The following KCNK10 variants were observed in gnomAD, a reference collection of about 807,000 sequenced individuals.
The protein encoded by KCNK10 is potassium channel subfamily K member 10.
A neutral mutation model predicts 47.7 loss-of-function variants in KCNK10; 25 were observed. The ratio of observed to expected loss-of-function variants is 0.52; its 90% CI spans 0.38 to 0.73. The LOEUF is 0.73. KCNK10 is among the 30% of genes least tolerant of loss of function. KCNK10 has a pLI of 0.00. For missense variants in KCNK10, 563 were observed against 714.5 expected, an observed-to-expected ratio of 0.79 and a Z score of 2.42; for synonymous variants, 303 against 285.6, an observed-to-expected ratio of 1.06 and a Z score of -0.61.
intron 4 of KCNK10, among the ~76,000 whole-genome samples, chr14:88,199,975 T>C (rs7156565): frequency 6.8e-6 from 1 of 147,960 alleles, no homozygotes; most frequent in African/African-American, 2.4e-5. Flanking sequence ...TTCTTTCTCT[T>C]TCTTTCTTTC....
intron 4 of KCNK10, among the ~76,000 whole-genome samples, chr14:88,215,185 G>A (rs1213211926): frequency 6.6e-6 from 1 of 152,136 alleles, no homozygotes. Flanking sequence ...ACAGATTAGC[G>A]ACTCTATTAG....
rs897695586 is a variant in KCNK10 at position 88,183,524 on chromosome 14, T to C, written c.*2011A>G. ...AACACATTTTGTCAGGCTGGAATGA[T>C]TCCCATAGTAAAACTCAACATCCAC... On this transcript the variant is annotated 3_prime_UTR_variant, in exon 7 of 7. Transcript: ENST00000319231. 20 of 152,374 alleles carry C rather than the reference T, an allele frequency of 1.3e-4. No homozygotes were observed. Among genetic ancestry groups the C allele is most frequent in the African/African-American group, 4.8e-4 (20 of 41,466 alleles). The allele number at this position is 152,374 out of a possible 1,614,324, so 9.4% of individuals were successfully genotyped here.
At chr14:88,233,443 AT>A (rs1295413938) in intron 3 of KCNK10, among the ~76,000 whole-genome samples, 1 of 152,210 alleles carries the variant, frequency 6.6e-6, no homozygotes, top group Non-Finnish European at 1.5e-5. Flanking sequence ...CTTTGAACTA[AT>A]AATTGTGGCC....
At chr14:88,237,110 A>T (rs1239992469) in intron 3 of KCNK10, among the ~76,000 whole-genome samples, 1 of 152,254 alleles carries the variant, frequency 6.6e-6, no homozygotes, top group Non-Finnish European at 1.5e-5. Flanking sequence ...CTAAGTTGAT[A>T]TAATATTCTG....
At chr14:88,245,508 G>A (rs1350820840) in intron 2 of KCNK10, among the ~76,000 whole-genome samples, 1 of 152,120 alleles carries the variant, frequency 6.6e-6, no homozygotes, top group East Asian at 1.9e-4. Context: ...ATCAGGCAAC[G>A]CCAGCTACAT....
At chr14:88,234,634 T>C (rs534865094) in intron 3 of KCNK10, among the ~76,000 whole-genome samples, 6 of 152,252 alleles carry the variant, frequency 3.9e-5, no homozygotes, top group African/African-American at 1.2e-4. Flanking sequence ...ATAAACAAGT[T>C]TGAATGAAGG....
At chr14:88,227,584 C>G in intron 3 of KCNK10, 49 bp from the exon 4 acceptor site, 1 of 1,523,690 alleles carries the variant, frequency 6.6e-7, no homozygotes, top group African/African-American at 1.4e-5. Context: ...AATTAGCATA[C>G]TGACCAAAGA....
chr14:88,192,219 C>T lies in KCNK10; in HGVS notation c.868+5G>A. 6.2e-7 allele frequency: 1 copy of T among 1,611,198 alleles called. No homozygotes were observed. Among genetic ancestry groups the T allele is most frequent in the Non-Finnish European group, 8.5e-7 (1 of 1,178,402 alleles). ...CCCAGTGCCTGGCCTGCCCAGGGTG[C>T]TTACCTGCCACAAAATCACCAAAGC... On this transcript the variant is annotated splice_donor_5th_base_variant and intron_variant, in intron 5 of 6. Coordinates refer to ENST00000319231, the MANE Select transcript of KCNK10 (RefSeq NM_138317.3).
At chr14:88,283,873 C>T (rs426130) in intron 1 of KCNK10, among the ~76,000 whole-genome samples, 9,807 of 152,066 alleles carry the variant, frequency 0.064, 411 homozygotes, top group East Asian at 0.087. Flanking sequence ...GAGATTGCAC[C>T]ACCACACTCC....
Position 88,254,508 on chromosome 14 carries a change from C to G in KCNK10, c.402+8694G>C, listed in dbSNP as rs564098408. On this transcript the variant is annotated intron_variant, in intron 2 of 6. Transcript: ENST00000319231. ...ATCTGGGAAACATCAGAATTCATAA[C>G]CTGAAAAAAGACTGCTGCCAATGAT... 2.5e-3 allele frequency among the ~76,000 whole-genome samples: 379 copies of G among 152,254 alleles called. 2 individuals are homozygous for G. Among genetic ancestry groups the G allele is most frequent in the Non-Finnish European group, 4.0e-3 (275 of 68,008 alleles).
chr14:88,191,582 G>C (rs1466310954), intron 5 of KCNK10, among the ~76,000 whole-genome samples: 1 of 152,092 alleles, frequency 6.6e-6, no homozygotes, highest in Non-Finnish European at 1.5e-5. Flanking sequence ...CAATTTCCCT[G>C]GCCCTAGATG....
chr14:88,191,662 T>C (rs1884752517), intron 5 of KCNK10, among the ~76,000 whole-genome samples: 2 of 152,200 alleles, frequency 1.3e-5, no homozygotes, highest in Admixed American at 6.5e-5. Flanking sequence ...GGAAGGCTAT[T>C]GCTTGTATAT....
chr14:88,226,800 C>T (rs1245292192), intron 4 of KCNK10, among the ~76,000 whole-genome samples: 2 of 152,158 alleles, frequency 1.3e-5, no homozygotes, highest in Non-Finnish European at 2.9e-5. Context: ...CCCACTAAGG[C>T]AATAGCAATC....
intron 4 of KCNK10, among the ~76,000 whole-genome samples, chr14:88,210,684 T>C (rs1595082508): frequency 6.6e-6 from 1 of 151,822 alleles, no homozygotes; most frequent in East Asian, 1.9e-4. Flanking sequence ...ACAGGGAAGG[T>C]GCAAGAGGGA....
At chr14:88,255,329 C>T (rs1231271838) in intron 2 of KCNK10, among the ~76,000 whole-genome samples, 1 of 152,016 alleles carries the variant, frequency 6.6e-6, no homozygotes, top group Admixed American at 6.6e-5. Context: ...CACTTATTGG[C>T]TGTCTGGACT....
intron 1 of KCNK10, chr14:88,270,989 C>A: frequency 1.6e-6 from 1 of 616,046 alleles, no homozygotes; most frequent in Non-Finnish European, 2.9e-6. Context: ...CACAAGCAAC[C>A]TTTGCCCCAG....
At position 88,192,291 on chromosome 14, in the gene KCNK10, C is replaced by T. The variant is rs199858787; in HGVS notation, c.801G>A (p.Thr267=). ...AVIFKYIEGW[T]ALESIYFVVV... is the part of the protein sequence containing the mutation. ...CCACAAAGTAAATGGACTCCAAGGC[C>T]GTCCAGCCCTCGATGTACTTAAAGA... Residue 267 remains threonine, a synonymous_variant, in exon 5 of 7, where the codon ACG becomes ACA. Coordinates refer to ENST00000319231, the MANE Select transcript of KCNK10 (RefSeq NM_138317.3). 1.3e-5 allele frequency: 21 copies of T among 1,614,106 alleles called. No homozygotes were observed. The highest frequency in any genetic ancestry group is 2.2e-5 in the East Asian group (1 of 44,868).
intron 5 of KCNK10, 145 bp from the exon 6 acceptor site, chr14:88,188,254 G>A (rs1205883790): frequency 1.0e-6 from 1 of 964,532 alleles, no homozygotes; most frequent in Non-Finnish European, 1.6e-6. Flanking sequence ...GTGGACCGGG[G>A]TTAGAGGGCA....
At chr14:88,211,937 G>C (rs889894799) in intron 4 of KCNK10, among the ~76,000 whole-genome samples, 1 of 150,978 alleles carries the variant, frequency 6.6e-6, no homozygotes, top group Non-Finnish European at 1.5e-5. Context: ...ACTATGGCCA[G>C]GATGAAAATG....
Sources: allele counts gnomAD v4.1 joint callset (sites outside exome capture counted in the v4.1 genomes callset), GRCh38; gene constraint gnomAD v4.1.1; transcripts MANE v1.5; gene names NCBI Gene and HGNC (gene_info 2026-07-23, HGNC 2026-07-21).